The following NRG3 variants were observed in gnomAD, a reference collection of about 807,000 sequenced individuals.
NRG3 encodes pro-neuregulin-3, membrane-bound isoform.
NRG3 carries 31 observed loss-of-function variants against 66.9 expected under a neutral mutation model. The ratio of observed to expected loss-of-function variants is 0.46; its 90% CI spans 0.35 to 0.63. The LOEUF (loss-of-function observed/expected upper bound fraction) is 0.63. Among genes scored for constraint, NRG3 ranks in the 20% least tolerant of loss-of-function variants. The pLI is 0.00. For synonymous variants in NRG3, 393 were observed against 359.4 expected (o/e 1.09, Z -1.06); for missense variants, 910 against 878.9 (o/e 1.04, Z -0.45).
intron 1 of NRG3, among the ~76,000 whole-genome samples, chr10:81,987,174 G>T (rs1263001962): frequency 6.6e-6 from 1 of 151,820 alleles, no homozygotes; most frequent in African/African-American, 2.4e-5. Context: ...AGCAACCTCT[G>T]CCTCCCAGGT....
chr10:82,270,840 T>C (rs2134310357), intron 1 of NRG3, among the ~76,000 whole-genome samples: 1 of 152,228 alleles, frequency 6.6e-6, no homozygotes, highest in African/African-American at 2.4e-5. Flanking sequence ...TCTTACGCCA[T>C]GGAGTACATT....
Position 82,545,483 on chromosome 10 carries a change from A to G in NRG3, c.953+186615A>G, listed in dbSNP as rs561138294. ...AAGCTCAGCCTCCCGGGTTCACGCCATTCTCCGGCCTCAGCCTCCCAAGTA... is the reference window on the plus strand; with the variant it reads ...AAGCTCAGCCTCCCGGGTTCACGCCGTTCTCCGGCCTCAGCCTCCCAAGTA... On this transcript the variant is annotated intron_variant, in intron 2 of 8. Coordinates refer to ENST00000372141, the MANE Select transcript of NRG3 (RefSeq NM_001010848.4). Among the ~76,000 whole-genome samples, 5 of 146,998 alleles carry G rather than the reference A, an allele frequency of 3.4e-5. No individual in the cohort carries two copies. In the South Asian group the frequency reaches 1.1e-3, roughly 31 times the overall value.
At chr10:82,051,518 C>T (rs1190760082) in intron 1 of NRG3, among the ~76,000 whole-genome samples, 1 of 152,150 alleles carries the variant, frequency 6.6e-6, no homozygotes, top group Non-Finnish European at 1.5e-5. Context: ...ATGATCAGCT[C>T]ATAGTCCTAG....
chr10:82,464,406 G>A (rs1464118308), intron 2 of NRG3, among the ~76,000 whole-genome samples: 1 of 152,198 alleles, frequency 6.6e-6, no homozygotes, highest in Non-Finnish European at 1.5e-5. Flanking sequence ...TCGATGGGGG[G>A]AAGGCTGATT....
intron 2 of NRG3, among the ~76,000 whole-genome samples, chr10:82,428,574 A>G (rs573420992): frequency 6.6e-6 from 1 of 152,142 alleles, no homozygotes; most frequent in Admixed American, 6.5e-5. Context: ...TTCAGAAAAT[A>G]TACTTTGTAT....
At chr10:82,223,208 GC>G (rs2076019795) in intron 1 of NRG3, among the ~76,000 whole-genome samples, 1 of 152,164 alleles carries the variant, frequency 6.6e-6, no homozygotes, top group Non-Finnish European at 1.5e-5. Context: ...AGTCAGACGT[GC>G]CTGCAGCCAG....
intron 2 of NRG3, among the ~76,000 whole-genome samples, chr10:82,644,810 G>T (rs2050824208): frequency 6.6e-6 from 1 of 152,088 alleles, no homozygotes; most frequent in South Asian, 2.1e-4. Flanking sequence ...TCACAGAAAA[G>T]TATGCTAAGA....
chr10:82,525,522 A>T (rs1846613924), intron 2 of NRG3, among the ~76,000 whole-genome samples: 2 of 152,046 alleles, frequency 1.3e-5, no homozygotes, highest in South Asian at 4.1e-4. Context: ...ACTTTTGAGC[A>T]GACCAGAGGG....
rs1010848049 is a variant in NRG3, at chr10:82,929,414, G to C, written c.1055-22055G>C. On this transcript the variant is annotated intron_variant, in intron 4 of 8. Transcript: ENST00000372141. ...AAGCAAATTTTAAAACAATCCCCAG[G>C]TATAAGATTTATCTTTCCGAGCAGA... Among the ~76,000 whole-genome samples, 25 of 152,232 alleles carry C rather than the reference G, an allele frequency of 1.6e-4. No homozygotes were observed. The East Asian group carries it at 4.7e-3, about 28-fold the overall frequency.
intron 1 of NRG3, among the ~76,000 whole-genome samples, chr10:81,982,806 A>T (rs1391923241): frequency 6.6e-5 from 10 of 152,246 alleles, no homozygotes; most frequent in African/African-American, 2.4e-4. Flanking sequence ...GTCTCCAAAT[A>T]CAGTCACATT....
intron 4 of NRG3, among the ~76,000 whole-genome samples, chr10:82,946,626 GAGTGGTTGATATGGGTGAGC>G (rs1011225691): frequency 5.9e-5 from 9 of 152,190 alleles, no homozygotes; most frequent in African/African-American, 2.2e-4. Flanking sequence ...AAAAAAAGGA[GAGTGGTTGATATGGGTGAGC>G]AGTGTCATAT....
chr10:82,082,962 A>T (rs2065479340), intron 1 of NRG3, among the ~76,000 whole-genome samples: 1 of 150,150 alleles, frequency 6.7e-6, no homozygotes, highest in African/African-American at 2.4e-5. Context: ...TTTTTTTCAG[A>T]CGGGGTCTTG....
chr10:82,313,815 C>A (rs1222794151), intron 1 of NRG3, among the ~76,000 whole-genome samples: 1 of 152,128 alleles, frequency 6.6e-6, no homozygotes, highest in African/African-American at 2.4e-5. Context: ...TGGGGGAAAA[C>A]AGAAGAATGG....
chr10:82,304,983 CTTTTTTTTTTTTTTTTTTTT>C (rs760661674), intron 1 of NRG3, among the ~76,000 whole-genome samples: 1 of 73,832 alleles, frequency 1.4e-5, no homozygotes, highest in African/African-American at 6.4e-5. Context: ...TCAGATTCCT[CTTTTTTTTTTTTTTTTTTTT>C]TTTTTTTTTG....
chr10:82,307,805 T>C (rs1348295064), intron 1 of NRG3, among the ~76,000 whole-genome samples: 3 of 152,052 alleles, frequency 2.0e-5, no homozygotes, highest in South Asian at 2.1e-4. Flanking sequence ...TTATTTTCCC[T>C]GAATTTTGCC....
chr10:82,441,258 A>G (rs529296874), intron 2 of NRG3, among the ~76,000 whole-genome samples: 3 of 152,374 alleles, frequency 2.0e-5, no homozygotes, highest in African/African-American at 4.8e-5. Flanking sequence ...GTCAATTTGT[A>G]TATTGGTATT....
intron 1 of NRG3, among the ~76,000 whole-genome samples, chr10:82,037,252 C>G (rs957394992): frequency 1.3e-5 from 2 of 152,150 alleles, no homozygotes; most frequent in Non-Finnish European, 2.9e-5. Context: ...CAGACAGCCC[C>G]CTGGCACTAG....
At chr10:81,877,799 C>T in intron 1 of NRG3, 15 of 1,380,164 alleles carry the variant, frequency 1.1e-5, no homozygotes, top group Non-Finnish European at 1.4e-5. Context: ...CACATTTTCC[C>T]AGGAGGTGTT....
intron 1 of NRG3, among the ~76,000 whole-genome samples, chr10:82,316,583 G>C (rs575037215): frequency 5.3e-4 from 80 of 152,168 alleles, no homozygotes; most frequent in Non-Finnish European, 9.6e-4. Flanking sequence ...ACAGTCCACT[G>C]TGGCCCGCAT....
Sources: gnomAD v4.1 joint callset for allele counts (sites outside exome capture counted in the v4.1 genomes callset) on GRCh38, gnomAD v4.1.1 for gene constraint, MANE v1.5 for transcripts, NCBI Gene and HGNC (gene_info 2026-07-23, HGNC 2026-07-21) for gene names.